The following NEGR1 variants were observed in gnomAD, a reference collection of about 807,000 sequenced individuals.
NEGR1 encodes neuronal growth regulator 1, also known as IgLON family member 4.
A neutral mutation model predicts 40.9 loss-of-function variants in NEGR1; 10 were observed. That is an observed-to-expected ratio of 0.24 (90% CI 0.15 to 0.42). The LOEUF (loss-of-function observed/expected upper bound fraction) is 0.42, where lower values mean the gene tolerates loss of function less well. Among genes scored for constraint, NEGR1 ranks in the 10% least tolerant of loss-of-function variants. NEGR1 has a pLI of 1.00. For missense variants in NEGR1, 352 were observed against 438.9 expected, an observed-to-expected ratio of 0.80 and a Z score of 1.77; for synonymous variants, 185 against 166.8, an observed-to-expected ratio of 1.11 and a Z score of -0.84.
chr1:72,233,959 G>C (rs1236201170), intron 1 of NEGR1, among the ~76,000 whole-genome samples: 3 of 151,960 alleles, frequency 2.0e-5, no homozygotes, highest in African/African-American at 7.3e-5. Flanking sequence ...TTCCCCAAAA[G>C]CTGTTATTTT....
At chr1:71,838,768 A>G (rs1253689600) in intron 2 of NEGR1, among the ~76,000 whole-genome samples, 1 of 152,160 alleles carries the variant, frequency 6.6e-6, no homozygotes, top group African/African-American at 2.4e-5. Flanking sequence ...ATAATAGTAC[A>G]AAAAGCCTAG....
chr1:72,251,147 C>A (rs1486745945), intron 1 of NEGR1, among the ~76,000 whole-genome samples: 1 of 152,090 alleles, frequency 6.6e-6, no homozygotes, highest in Non-Finnish European at 1.5e-5. Context: ...ACTAGAAATT[C>A]TCTTGTGACT....
chr1:72,159,769 G>A (rs965205482), intron 1 of NEGR1, among the ~76,000 whole-genome samples: 19 of 152,068 alleles, frequency 1.2e-4, no homozygotes, highest in Admixed American at 1.1e-3. Flanking sequence ...TAAATAAGAT[G>A]TAAAAAGATA....
At chr1:72,164,628 T>C (rs898188752) in intron 1 of NEGR1, among the ~76,000 whole-genome samples, 2 of 152,048 alleles carry the variant, frequency 1.3e-5, no homozygotes, top group Non-Finnish European at 2.9e-5. Context: ...TTTTTACACT[T>C]CTTCTGTAGA....
At chr1:72,102,311 G>A (rs1357572856) in intron 1 of NEGR1, among the ~76,000 whole-genome samples, 1 of 151,878 alleles carries the variant, frequency 6.6e-6, no homozygotes, top group Non-Finnish European at 1.5e-5. Context: ...AAAAATTTCA[G>A]AAGTCCAATA....
At chr1:71,441,719 T>C (rs1007379295) in intron 6 of NEGR1, among the ~76,000 whole-genome samples, 1 of 152,190 alleles carries the variant, frequency 6.6e-6, no homozygotes, top group African/African-American at 2.4e-5. Flanking sequence ...TCATGGAATG[T>C]TTCCTGCTAA....
chr1:72,189,659 C>T (rs183863527), intron 1 of NEGR1, among the ~76,000 whole-genome samples: 1 of 151,586 alleles, frequency 6.6e-6, no homozygotes, highest in Admixed American at 6.6e-5. Flanking sequence ...GCTAATGAAA[C>T]CATAAATTAT....
At chr1:72,140,162 C>T (rs1650616709) in intron 1 of NEGR1, among the ~76,000 whole-genome samples, 3 of 152,076 alleles carry the variant, frequency 2.0e-5, no homozygotes, top group Admixed American at 1.3e-4. Context: ...TTATGTCACT[C>T]TATCAATTTC....
chr1:72,275,214 C>A lies in NEGR1; in HGVS notation c.176+7105G>T, dbSNP rs1026609150. On this transcript the variant is annotated intron_variant, in intron 1 of 6. Transcript: ENST00000357731. ...CAGAAAATACATCTTCACAAAATAT[C>A]AAAAAATTTCTATTATTTATTCATA... 6.6e-5 allele frequency: 39 copies of A among 593,114 alleles called. No homozygotes were observed. The Admixed American group carries it at 8.0e-4, about 12-fold the overall frequency. 36.7% of individuals were successfully genotyped at this position (593,114 alleles called of 1,614,324 possible).
At chr1:71,806,502 G>GT (rs763237127) in intron 2 of NEGR1, among the ~76,000 whole-genome samples, 7 of 146,976 alleles carry the variant, frequency 4.8e-5, no homozygotes, top group African/African-American at 1.0e-4. Context: ...ACCCACTATT[G>GT]TAAAAAAAAA....
At chr1:71,783,837 C>CCCATCCAT (rs758122735) in intron 2 of NEGR1, among the ~76,000 whole-genome samples, 6,266 of 136,924 alleles carry the variant, frequency 0.046, 445 homozygotes, top group African/African-American at 0.14. Context: ...CATCCATCCA[C>CCCATCCAT]CCGTCCATCC....
At chr1:71,879,310 CT>C (rs1660520257) in intron 2 of NEGR1, among the ~76,000 whole-genome samples, 2 of 152,124 alleles carry the variant, frequency 1.3e-5, no homozygotes, top group Non-Finnish European at 2.9e-5. Flanking sequence ...CTCCCCACCC[CT>C]ATTCATCAAT....
At chr1:71,597,472 C>CTGTG (rs1553152644) in intron 5 of NEGR1, among the ~76,000 whole-genome samples, 11 of 31,328 alleles carry the variant, frequency 3.5e-4, no homozygotes, top group African/African-American at 1.1e-3. Flanking sequence ...CTCTCTCTCT[C>CTGTG]TGTGTGTGTG....
At chr1:72,195,889 G>A (rs1444572075) in intron 1 of NEGR1, among the ~76,000 whole-genome samples, 1 of 152,020 alleles carries the variant, frequency 6.6e-6, no homozygotes, top group Non-Finnish European at 1.5e-5. Flanking sequence ...TGGTACTGAT[G>A]TAAGTTTGGG....
At chr1:71,513,706 A>C (rs1304295587) in intron 6 of NEGR1, among the ~76,000 whole-genome samples, 1 of 152,184 alleles carries the variant, frequency 6.6e-6, no homozygotes, top group Non-Finnish European at 1.5e-5. Context: ...GCAGAGGAGG[A>C]GCCAAGATGG....
chr1:71,510,443 A>T (rs1647064958), intron 6 of NEGR1, among the ~76,000 whole-genome samples: 1 of 152,236 alleles, frequency 6.6e-6, no homozygotes, highest in Non-Finnish European at 1.5e-5. Flanking sequence ...TTCATTTTCA[A>T]AGCATGATAA....
At chr1:71,653,534 G>GT (rs1304382072) in intron 4 of NEGR1, among the ~76,000 whole-genome samples, 1 of 151,722 alleles carries the variant, frequency 6.6e-6, no homozygotes, top group African/African-American at 2.4e-5. Flanking sequence ...CATTTATTGT[G>GT]TTTTTTTAAT....
At chr1:71,497,679 C>A (rs1646973586) in intron 6 of NEGR1, among the ~76,000 whole-genome samples, 1 of 151,754 alleles carries the variant, frequency 6.6e-6, no homozygotes, top group African/African-American at 2.4e-5. Flanking sequence ...TGCACAGTTG[C>A]AAAATTCAAT....
At chr1:71,627,671 A>G (rs1308422598) in intron 4 of NEGR1, among the ~76,000 whole-genome samples, 4 of 152,020 alleles carry the variant, frequency 2.6e-5, no homozygotes, top group Non-Finnish European at 5.9e-5. Context: ...CTCTTCATGT[A>G]CATTTGGAAG....
Sources: gnomAD v4.1 joint callset for allele counts (sites outside exome capture counted in the v4.1 genomes callset) on GRCh38, gnomAD v4.1.1 for gene constraint, MANE v1.5 for transcripts, NCBI Gene and HGNC (gene_info 2026-07-23, HGNC 2026-07-21) for gene names.